PRKCH: variants seen among roughly 807,000 people sequenced by gnomAD.
The protein encoded by PRKCH is protein kinase C eta type.
A neutral mutation model predicts 82.5 loss-of-function variants in PRKCH; 28 were observed. That is an observed-to-expected ratio of 0.34 (90% CI 0.25 to 0.47). The LOEUF is 0.47. Among genes scored for constraint, PRKCH ranks in the 20% least tolerant of loss-of-function variants. The pLI, the probability that PRKCH is intolerant of heterozygous loss-of-function variation, is 1.00. For missense variants in PRKCH, 705 were observed against 881.8 expected, an observed-to-expected ratio of 0.80 and a Z score of 2.54; for synonymous variants, 322 against 327.4, an observed-to-expected ratio of 0.98 and a Z score of 0.18.
At chr14:61,287,320 G>A (rs2045324372) in intron 1 of PRKCH, among the ~76,000 whole-genome samples, 1 of 151,012 alleles carries the variant, frequency 6.6e-6, no homozygotes, top group South Asian at 2.1e-4. Context: ...TGGCAGGAGA[G>A]CAACACCAGA....
At chr14:61,432,947 G>A (rs570367061) in intron 2 of PRKCH, among the ~76,000 whole-genome samples, 3 of 142,118 alleles carry the variant, frequency 2.1e-5, no homozygotes, top group Admixed American at 7.3e-5. Flanking sequence ...TGTGCAGAGC[G>A]TACAGGTTTG....
intron 10 of PRKCH, among the ~76,000 whole-genome samples, chr14:61,511,856 G>C (rs1490861564): frequency 2.0e-5 from 3 of 152,154 alleles, no homozygotes; most frequent in Admixed American, 6.5e-5. Flanking sequence ...GTGTCAACGG[G>C]ATCCCGACTC....
At position 61,485,517 on chromosome 14, in the gene PRKCH, G is replaced by A. The variant is rs750415644; in HGVS notation, c.1294G>A (p.Val432Met). 3 of 1,613,274 alleles carry A rather than the reference G, an allele frequency of 1.9e-6. No homozygotes were observed. Among genetic ancestry groups the A allele is most frequent in the Non-Finnish European group, 2.5e-6 (3 of 1,179,720 alleles). Residue 432 changes from valine (V) to methionine (M), a missense_variant, in exon 10 of 14, where the codon GTG becomes ATG. Coordinates refer to ENST00000332981, the MANE Select transcript of PRKCH (RefSeq NM_006255.5). ...CFQTPDRLFFVMEFVNGGDLM... is the reference protein window; with the variant it reads ...CFQTPDRLFFMMEFVNGGDLM... The stretch of plus-strand genomic sequence containing the variant: ...TTGTATCCAGGATCGTCTGTTTTTT[G>A]TGATGGAGTTTGTGAATGGGGGTGA...
chr14:61,328,022 G>A (rs959230030), intron 1 of PRKCH, among the ~76,000 whole-genome samples: 3 of 151,034 alleles, frequency 2.0e-5, no homozygotes, highest in African/African-American at 7.3e-5. Context: ...AGGCCGAGGC[G>A]GGTGGATCAT....
chr14:61,527,509 A>G (rs2042982500), intron 10 of PRKCH, among the ~76,000 whole-genome samples: 1 of 151,898 alleles, frequency 6.6e-6, no homozygotes, highest in Non-Finnish European at 1.5e-5. Flanking sequence ...CTTATTTTCC[A>G]TTCCATTCAT....
intron 1 of PRKCH, among the ~76,000 whole-genome samples, chr14:61,276,005 TATTGTTGTATTACTAACAATCAAGTAA>T (rs2045198259): frequency 6.6e-6 from 1 of 152,256 alleles, no homozygotes; most frequent in Non-Finnish European, 1.5e-5. Flanking sequence ...GTATTCAGTG[TATTGTTGTATTACTAACAATCAAGTAA>T]ATAATGGAGG....
intron 10 of PRKCH, among the ~76,000 whole-genome samples, chr14:61,491,919 T>C (rs557870353): frequency 3.2e-4 from 48 of 152,186 alleles, no homozygotes; most frequent in Non-Finnish European, 5.9e-4. Context: ...ACTAGTGCTA[T>C]GAAGAGGAGA....
At chr14:61,328,060 C>T (rs2045722671) in intron 1 of PRKCH, among the ~76,000 whole-genome samples, 1 of 151,272 alleles carries the variant, frequency 6.6e-6, no homozygotes, top group Non-Finnish European at 1.5e-5. Context: ...ACCATCCTGG[C>T]TAACAAGGTG....
At chr14:61,329,810 C>A (rs1342265450) in intron 1 of PRKCH, among the ~76,000 whole-genome samples, 1 of 152,176 alleles carries the variant, frequency 6.6e-6, no homozygotes, top group African/African-American at 2.4e-5. Flanking sequence ...GCTGTCTCCT[C>A]CAACCTGAAA....
chr14:61,391,083 C>G lies in PRKCH; in HGVS notation c.364-142C>G, dbSNP rs544492524. The G allele has an allele frequency of 2.4e-4, 151 of 634,600 alleles. No individual in the cohort carries two copies. The African/African-American group carries it at 2.7e-3, about 11-fold the overall frequency. The allele number at this position is 634,600 out of a possible 1,614,324, so 39.3% of individuals were successfully genotyped here. Reference sequence around the variant, plus strand: ...TGAGCTTTCACTTGTTTCCCTGCCACTCTACTATTTAATGAAAGACTTAGA... The same window carrying G: ...TGAGCTTTCACTTGTTTCCCTGCCAGTCTACTATTTAATGAAAGACTTAGA... On this transcript the variant is annotated intron_variant, in intron 1 of 13. Transcript: ENST00000332981.
intron 2 of PRKCH, among the ~76,000 whole-genome samples, chr14:61,418,113 T>C (rs1281064270): frequency 6.6e-6 from 1 of 152,244 alleles, no homozygotes. Context: ...TGTGGCTGTG[T>C]TTACTAAAGT....
At chr14:61,246,492 CAG>C (rs756204361) in intron 1 of PRKCH, among the ~76,000 whole-genome samples, 10 of 152,060 alleles carry the variant, frequency 6.6e-5, no homozygotes, top group South Asian at 2.1e-4. Context: ...GAACTTTTGA[CAG>C]AGTCTTCCCC....
At chr14:61,385,672 A>G (rs2046577334) in intron 1 of PRKCH, among the ~76,000 whole-genome samples, 3 of 152,226 alleles carry the variant, frequency 2.0e-5, no homozygotes, top group Non-Finnish European at 2.9e-5. Context: ...GGGGCATGTC[A>G]GGAGGAAACT....
intron 1 of PRKCH, among the ~76,000 whole-genome samples, chr14:61,384,794 C>T (rs765719928): frequency 4.6e-4 from 70 of 152,064 alleles, no homozygotes; most frequent in Non-Finnish European, 7.9e-4. Context: ...CAGTCCACTT[C>T]GGGGACTCAA....
intron 2 of PRKCH, among the ~76,000 whole-genome samples, chr14:61,394,928 G>C (rs1025535242): frequency 1.3e-5 from 2 of 152,176 alleles, no homozygotes; most frequent in African/African-American, 4.8e-5. Flanking sequence ...AAGAGTTGCT[G>C]ATAAGGAAAA....
At chr14:61,449,338 T>C in intron 5 of PRKCH, 86 bp downstream of exon 5, 1 of 1,135,546 alleles carries the variant, frequency 8.8e-7, no homozygotes, top group South Asian at 1.3e-5. Flanking sequence ...CTCCCTCCTT[T>C]CCTCCCCCTC....
chr14:61,192,555 T>G (rs1052182548), intron 1 of PRKCH, among the ~76,000 whole-genome samples: 7 of 152,136 alleles, frequency 4.6e-5, no homozygotes, highest in Non-Finnish European at 7.4e-5. Flanking sequence ...CAGGTAGGTG[T>G]GTGTAGAGGA....
intron 12 of PRKCH, among the ~76,000 whole-genome samples, chr14:61,538,459 C>A (rs1411672388): frequency 6.6e-6 from 1 of 152,180 alleles, no homozygotes; most frequent in Non-Finnish European, 1.5e-5. Context: ...TACTAAAGTT[C>A]TTGATCTCTA....
At chr14:61,409,423 G>A (rs1432024745) in intron 2 of PRKCH, among the ~76,000 whole-genome samples, 1 of 152,072 alleles carries the variant, frequency 6.6e-6, no homozygotes, top group East Asian at 1.9e-4. Flanking sequence ...TAAATGAGTG[G>A]TAGTGGCTCA....
Sources: allele counts gnomAD v4.1 joint callset (sites outside exome capture counted in the v4.1 genomes callset), GRCh38; gene constraint gnomAD v4.1.1; transcripts MANE v1.5; gene names NCBI Gene and HGNC (gene_info 2026-07-23, HGNC 2026-07-21).